The following SEMA5A variants were observed in gnomAD, a reference collection of about 807,000 sequenced individuals.
The protein encoded by SEMA5A is semaphorin-5A.
SEMA5A carries 55 observed loss-of-function variants against 135.5 expected under a neutral mutation model. The ratio of observed to expected loss-of-function variants is 0.41; its 90% CI spans 0.33 to 0.51. The LOEUF is 0.51. Among genes scored for constraint, SEMA5A ranks in the 20% least tolerant of loss-of-function variants. The probability of loss-of-function intolerance (pLI) is 0.37; values close to 1 mark genes in which losing one functional copy is unlikely to be tolerated. For synonymous variants in SEMA5A, 580 were observed against 546.5 expected (o/e 1.06, Z -0.85); for missense variants, 1,290 against 1,419.9 (o/e 0.91, Z 1.47).
chr5:9,216,639 T>C (rs1394175026), intron 8 of SEMA5A, among the ~76,000 whole-genome samples: 5 of 152,168 alleles, frequency 3.3e-5, no homozygotes, highest in Non-Finnish European at 7.4e-5. Flanking sequence ...TGAAGGTCTC[T>C]AAAAACTTAT....
chr5:9,118,341 C>T (rs989677434), intron 15 of SEMA5A, among the ~76,000 whole-genome samples: 1 of 152,098 alleles, frequency 6.6e-6, no homozygotes, highest in African/African-American at 2.4e-5. Context: ...AATGATCTTG[C>T]AAAACAGATT....
At chr5:9,090,336 C>T (rs1178522828) in intron 16 of SEMA5A, among the ~76,000 whole-genome samples, 1 of 152,210 alleles carries the variant, frequency 6.6e-6, no homozygotes, top group African/African-American at 2.4e-5. Flanking sequence ...TTGGGTGAAC[C>T]TGCTACAAAA....
intron 16 of SEMA5A, among the ~76,000 whole-genome samples, chr5:9,073,398 A>C (rs1340959084): frequency 1.3e-5 from 2 of 152,166 alleles, no homozygotes; most frequent in Non-Finnish European, 2.9e-5. Flanking sequence ...TTGGATAAAA[A>C]TCAAAATTAA....
intron 1 of SEMA5A, among the ~76,000 whole-genome samples, chr5:9,519,410 T>C (rs535830513): frequency 2.8e-4 from 43 of 152,358 alleles, no homozygotes; most frequent in Non-Finnish European, 5.7e-4. Flanking sequence ...AACTTTTCAT[T>C]GTTCAATGCT....
intron 1 of SEMA5A, among the ~76,000 whole-genome samples, chr5:9,467,197 C>G (rs1162347102): frequency 6.6e-6 from 1 of 152,134 alleles, no homozygotes; most frequent in Non-Finnish European, 1.5e-5. Flanking sequence ...ACTACAACCT[C>G]CACCTCCTGG....
chr5:9,250,040 C>G (rs912726929), intron 5 of SEMA5A, among the ~76,000 whole-genome samples: 2 of 152,012 alleles, frequency 1.3e-5, no homozygotes, highest in African/African-American at 4.8e-5. Flanking sequence ...AAATTTTAAG[C>G]AAGATATTGG....
At chr5:9,252,180 G>A (rs771928290) in intron 5 of SEMA5A, among the ~76,000 whole-genome samples, 1 of 152,086 alleles carries the variant, frequency 6.6e-6, no homozygotes, top group African/African-American at 2.4e-5. Flanking sequence ...AAAGGCCCTT[G>A]GTGGGAAAGC....
chr5:9,088,718 C>T (rs949497454), intron 16 of SEMA5A, among the ~76,000 whole-genome samples: 1 of 149,366 alleles, frequency 6.7e-6, no homozygotes, highest in African/African-American at 2.5e-5. Flanking sequence ...TGTGGACACT[C>T]TCATATAAGA....
At chr5:9,238,307 AAT>A (rs1267728943) in intron 5 of SEMA5A, among the ~76,000 whole-genome samples, 4 of 152,234 alleles carry the variant, frequency 2.6e-5, no homozygotes, top group Non-Finnish European at 4.4e-5. Context: ...TTATTCAAAT[AAT>A]ATGTCATTTA....
intron 13 of SEMA5A, among the ~76,000 whole-genome samples, chr5:9,123,355 A>AAGAAGC (rs1290106823): frequency 6.9e-6 from 1 of 145,968 alleles, no homozygotes; most frequent in Non-Finnish European, 1.5e-5. Context: ...GATGGTGAGG[A>AAGAAGC]AGAAGCAGGG....
intron 11 of SEMA5A, among the ~76,000 whole-genome samples, chr5:9,159,706 A>G (rs1316602357): frequency 1.3e-5 from 2 of 152,326 alleles, no homozygotes; most frequent in Non-Finnish European, 2.9e-5. Flanking sequence ...TAATGGGTAT[A>G]TACTCAAAGG....
At chr5:9,133,884 C>G (rs934931578) in intron 13 of SEMA5A, among the ~76,000 whole-genome samples, 7 of 150,204 alleles carry the variant, frequency 4.7e-5, no homozygotes, top group African/African-American at 1.7e-4. Context: ...TCATCTCAAA[C>G]TGTAACCCCC....
At chr5:9,282,167 A>C (rs1274925015) in intron 5 of SEMA5A, among the ~76,000 whole-genome samples, 1 of 152,180 alleles carries the variant, frequency 6.6e-6, no homozygotes, top group Admixed American at 6.5e-5. Context: ...TTCCACCTTT[A>C]ACACAAGAGC....
At chr5:9,258,492 G>GCT (rs1269741878) in intron 5 of SEMA5A, among the ~76,000 whole-genome samples, 7 of 151,984 alleles carry the variant, frequency 4.6e-5, no homozygotes, top group East Asian at 3.9e-4. Flanking sequence ...CAATGCACTG[G>GCT]CTCTCTCTCT....
chr5:9,226,827 T>C (rs780601787), intron 7 of SEMA5A, 42 bp downstream of exon 7: 13 of 1,474,576 alleles, frequency 8.8e-6, no homozygotes, highest in Non-Finnish European at 1.2e-5. Flanking sequence ...GTTTTGCCTC[T>C]TCTGATATTA....
intron 1 of SEMA5A, among the ~76,000 whole-genome samples, chr5:9,448,662 C>T (rs764495433): frequency 6.6e-6 from 1 of 152,218 alleles, no homozygotes; most frequent in Non-Finnish European, 1.5e-5. Context: ...AAATCCAGAT[C>T]TCTGTAATTC....
intron 1 of SEMA5A, among the ~76,000 whole-genome samples, chr5:9,476,005 T>G (rs990721878): frequency 6.6e-6 from 1 of 152,242 alleles, no homozygotes; most frequent in Non-Finnish European, 1.5e-5. Context: ...AAAATACCTA[T>G]GCAAGGAGAT....
chr5:9,254,098 G>A (rs547207977), intron 5 of SEMA5A, among the ~76,000 whole-genome samples: 1 of 152,244 alleles, frequency 6.6e-6, no homozygotes, highest in African/African-American at 2.4e-5. Flanking sequence ...AAAACAGGAA[G>A]TGTTAACTCT....
At chr5:9,502,564 C>T (rs1350430569) in intron 1 of SEMA5A, among the ~76,000 whole-genome samples, 1 of 152,142 alleles carries the variant, frequency 6.6e-6, no homozygotes. Context: ...GTGTCTTGAG[C>T]TTACAGAGTT....
Sources: gnomAD v4.1 joint callset for allele counts (sites outside exome capture counted in the v4.1 genomes callset) on GRCh38, gnomAD v4.1.1 for gene constraint, MANE v1.5 for transcripts, NCBI Gene and HGNC (gene_info 2026-07-23, HGNC 2026-07-21) for gene names.